SAR1B: variants seen among roughly 807,000 people sequenced by gnomAD.
SAR1B encodes small COPII coat GTPase SAR1B.
In SAR1B, 23 loss-of-function variants were observed where a neutral mutation model predicts 26.8. The observed-to-expected ratio is 0.86, with a 90% CI of 0.62 to 1.22. SAR1B has a LOEUF of 1.22. Ranked by LOEUF, SAR1B falls within the 50% of genes most tolerant of loss-of-function variation. The pLI, the probability that SAR1B is intolerant of heterozygous loss-of-function variation, is 0.00. For missense variants in SAR1B, 196 were observed against 232.8 expected, an observed-to-expected ratio of 0.84 and a Z score of 1.03; for synonymous variants, 65 against 80.8, an observed-to-expected ratio of 0.80 and a Z score of 1.05.
intron 6 of SAR1B, 67 bp downstream of exon 6, chr5:134,608,305 G>A: frequency 6.9e-7 from 1 of 1,456,694 alleles, no homozygotes; most frequent in Non-Finnish European, 9.3e-7. Context: ...TTGGACAATA[G>A]TAATTTAAGA....
At chr5:134,607,921 A>C (rs1052579710) in intron 6 of SAR1B, among the ~76,000 whole-genome samples, 1 of 152,176 alleles carries the variant, frequency 6.6e-6, no homozygotes, top group Non-Finnish European at 1.5e-5. Flanking sequence ...CCCCAAAATA[A>C]ATCCTAGGAA....
intron 4 of SAR1B, 123 bp downstream of exon 4, chr5:134,612,568 C>T: frequency 1.0e-6 from 1 of 960,542 alleles, no homozygotes; most frequent in Non-Finnish European, 1.5e-6. Flanking sequence ...TTGCTTGAAC[C>T]CAGGAGGCAG....
At chr5:134,607,852 T>G (rs1395271105) in intron 6 of SAR1B, among the ~76,000 whole-genome samples, 1 of 152,130 alleles carries the variant, frequency 6.6e-6, no homozygotes, top group Admixed American at 6.6e-5. Flanking sequence ...CTAAAAAAAT[T>G]TTGTAAATCT....
rs1561783367 is a variant in SAR1B, at chr5:134,607,070, GAA to G, written c.481-6_481-5del. 1 of 1,537,600 alleles carries G rather than the reference GAA, an allele frequency of 6.5e-7. No homozygotes were observed. The highest frequency in any genetic ancestry group is 2.2e-5 in the East Asian group (1 of 44,548). On this transcript the variant is annotated splice_polypyrimidine_tract_variant and splice_region_variant and intron_variant, in intron 6 of 6. Transcript: ENST00000402673. ...GTTCTTTCAGAGATATACTCCCCTA[GAA>G]TAGAAGAGAGACATTTCGTTGGAAT... is the stretch of plus-strand genomic sequence containing the variant.
intron 1 of SAR1B, among the ~76,000 whole-genome samples, chr5:134,627,519 C>T (rs909617836): frequency 5.3e-5 from 8 of 151,486 alleles, no homozygotes; most frequent in Admixed American, 1.3e-4. Flanking sequence ...TTAAAACCGG[C>T]CGGGCGTGGT....
chr5:134,617,310 G>A (rs183024549), intron 3 of SAR1B, among the ~76,000 whole-genome samples: 1 of 152,172 alleles, frequency 6.6e-6, no homozygotes, highest in Non-Finnish European at 1.5e-5. Context: ...TTTGGTAAAT[G>A]TATTTTCTCA....
Position 134,612,696 on chromosome 5 carries a change from A to T in SAR1B, c.239T>A (p.Val80Asp). ...AAAAAAAAAAAGAATCTTACCTTGA[A>T]CATGTCCACCCAGATCAAAAGTTGT... Reference protein sequence around the residue: ...TFTTFDLGGHVQARRVWKNYL... With the variant: ...TFTTFDLGGHDQARRVWKNYL... Residue 80 changes from valine to aspartate, a missense_variant, in exon 4 of 7, where the codon GTT becomes GAT. By Grantham distance (152) the Val-to-Asp change is radical. Transcript: ENST00000402673. 1 of 1,252,366 alleles carries T rather than the reference A, an allele frequency of 8.0e-7. No homozygotes were observed. Among genetic ancestry groups the T allele is most frequent in the Non-Finnish European group, 1.1e-6 (1 of 902,428 alleles). The allele number at this position is 1,252,366 out of a possible 1,614,324, so 77.6% of individuals were successfully genotyped here. A position where few individuals can be genotyped will look rare whatever the true frequency, so the allele number is the denominator to read the frequency against.
At chr5:134,608,345 C>T (rs751029435) in intron 6 of SAR1B, 27 bp downstream of exon 6, 13 of 1,517,956 alleles carry the variant, frequency 8.6e-6, no homozygotes, top group Admixed American at 4.0e-5. Context: ...TTAAACACAC[C>T]CATCATAATT....
Position 134,608,514 on chromosome 5 carries a change from C to T in SAR1B, c.349-11G>A. The T allele has an allele frequency of 6.2e-7, 1 of 1,606,870 alleles. No individual in the cohort carries two copies. The highest frequency in any genetic ancestry group is 8.5e-7 in the Non-Finnish European group (1 of 1,177,168). ...ATCTGTCATTAGTGACTGAAAAAAA[C>T]AAAACAATACAAAACAAGAGTTGAT... On this transcript the variant is annotated splice_polypyrimidine_tract_variant and intron_variant, in intron 5 of 6. Transcript: ENST00000402673.
intron 4 of SAR1B, among the ~76,000 whole-genome samples, chr5:134,611,592 A>C (rs538654354): frequency 1.3e-5 from 2 of 152,196 alleles, no homozygotes; most frequent in South Asian, 4.1e-4. Flanking sequence ...CAAAACAAAA[A>C]ACAGGATTTT....
Position 134,608,353 on chromosome 5 carries a change from A to ATTTTTT in SAR1B, c.480+13_480+18dup, listed in dbSNP as rs199526981. The ATTTTTT allele has an allele frequency of 6.1e-6, 9 of 1,468,976 alleles. No individual in the cohort carries two copies. In the East Asian group the frequency reaches 2.3e-4, roughly 37 times the overall value. 91.0% of individuals were successfully genotyped at this position (1,468,976 alleles called of 1,614,324 possible). A position where few individuals can be genotyped will look rare whatever the true frequency, so the allele number is the denominator to read the frequency against. On this transcript the variant is annotated intron_variant, in intron 6 of 6. Coordinates refer to ENST00000402673, the MANE Select transcript of SAR1B (RefSeq NM_016103.4). ...TGTAGAATTAAACACACCCATCATA[A>ATTTTTT]TTTTTTTTTTTTTTTTACCTTTCCT...
At position 134,608,437 on chromosome 5, in the gene SAR1B, G is replaced by A. The variant is rs775212034; in HGVS notation, c.415C>T (p.Pro139Ser). 2 of 1,610,390 alleles carry A rather than the reference G, an allele frequency of 1.2e-6. No individual in the cohort carries two copies. Among genetic ancestry groups the A allele is most frequent in the Admixed American group, 1.7e-5 (1 of 59,656 alleles). The change falls in exon 6 of 7, where the codon CCT (proline) becomes TCT (serine). Residue 139 changes from proline to serine, a missense_variant. Transcript: ENST00000402673. Reference protein sequence around the residue: ...ILILGNKIDRPEAISEERLRE... With the variant: ...ILILGNKIDRSEAISEERLRE... The stretch of plus-strand genomic sequence containing the variant: ...AACCTCTCTTCACTGATGGCTTCAG[G>A]TCTGTCGATCTTATTCCCAAGAATC...
rs564607492 is a variant in SAR1B at position 134,607,894 on chromosome 5, T to G, written c.480+478A>C. Among the ~76,000 whole-genome samples, 7 of 152,340 alleles carry G rather than the reference T, an allele frequency of 4.6e-5. No homozygotes were observed. In the South Asian group the frequency reaches 1.2e-3, roughly 27 times the overall value. ...TTCTTCCACTGTTTATCTGGATTTT[T>G]TCAATGCTGATGTTTCCCCCAAAAT... On this transcript the variant is annotated intron_variant, in intron 6 of 6. Coordinates refer to ENST00000402673, the MANE Select transcript of SAR1B (RefSeq NM_016103.4).
At position 134,610,331 on chromosome 5, in the gene SAR1B, G is replaced by A. The variant is rs147063025; in HGVS notation, c.245-657C>T. Among the ~76,000 whole-genome samples the A allele has an allele frequency of 2.3e-3, 356 of 152,066 alleles. 1 individual carries two copies. Among genetic ancestry groups the A allele is most frequent in the African/African-American group, 7.3e-3 (305 of 41,504 alleles). ...AAAAACACAAAAAATTAGCCAAGCC[G>A]GACACAGTGGCTCATGCCTGTAATC... On this transcript the variant is annotated intron_variant, in intron 4 of 6. Coordinates refer to ENST00000402673, the MANE Select transcript of SAR1B (RefSeq NM_016103.4).
rs777504537 is a variant in SAR1B at position 134,608,358 on chromosome 5, T to TC, written c.480+13_480+14insG. On this transcript the variant is annotated intron_variant, in intron 6 of 6. Transcript: ENST00000402673. ...AATTAAACACACCCATCATAATTTT[T>TC]TTTTTTTTTTTACCTTTCCTGTTGT... is the stretch of plus-strand genomic sequence containing the variant. The TC allele has an allele frequency of 4.5e-6, 7 of 1,546,462 alleles. No individual in the cohort carries two copies. In the African/African-American group the frequency reaches 6.8e-5, roughly 15 times the overall value.
intron 1 of SAR1B, among the ~76,000 whole-genome samples, chr5:134,625,184 G>A (rs1292275790): frequency 2.0e-5 from 3 of 152,130 alleles, no homozygotes; most frequent in African/African-American, 7.2e-5. Flanking sequence ...AGCAGAGCAA[G>A]CATTACAATA....
At chr5:134,612,662 A>T (rs1765236056) in intron 4 of SAR1B, 29 bp downstream of exon 4, 1 of 1,205,374 alleles carries the variant, frequency 8.3e-7, no homozygotes, top group South Asian at 2.0e-5. Context: ...AAAAAAAAAA[A>T]AAAAAAAAAA....
At position 134,612,806 on chromosome 5, in the gene SAR1B, TC is replaced by T. The variant is rs750217977; in HGVS notation, c.179-51del. ...TACATGAAAATTAGAAACCCATTAATCGTGTAAAAAGTAAAGTAGAGGTTCC... is the reference window on the plus strand; with the variant it reads ...TACATGAAAATTAGAAACCCATTAATGTGTAAAAAGTAAAGTAGAGGTTCC... On this transcript the variant is annotated intron_variant, in intron 3 of 6. Transcript: ENST00000402673. The T allele has an allele frequency of 9.8e-6, 15 of 1,531,244 alleles. 1 individual carries two copies. Among genetic ancestry groups the T allele is most frequent in the Middle Eastern group, 1.9e-4 (1 of 5,308 alleles). 94.9% of individuals were successfully genotyped at this position (1,531,244 alleles called of 1,614,324 possible).
chr5:134,608,633 T>C (rs1580646088), intron 5 of SAR1B, 130 bp from the exon 6 acceptor site: 1 of 1,000,600 alleles, frequency 1.0e-6, no homozygotes. Flanking sequence ...TTTGTCAAAC[T>C]TTCCCCACAT....
Sources: gnomAD v4.1 joint callset for allele counts (sites outside exome capture counted in the v4.1 genomes callset) on GRCh38, gnomAD v4.1.1 for gene constraint, MANE v1.5 for transcripts, NCBI Gene and HGNC (gene_info 2026-07-23, HGNC 2026-07-21) for gene names.